Variants in TTN observed in about 807,000 individuals in gnomAD.
TTN encodes the protein titin.
In TTN, 1,525 loss-of-function variants were observed where a neutral mutation model predicts 3,223.0. The observed-to-expected ratio is 0.47, with a 90% CI of 0.45 to 0.49. The LOEUF (loss-of-function observed/expected upper bound fraction) is 0.49, where lower values mean the gene tolerates loss of function less well. Among genes scored for constraint, TTN ranks in the 20% least tolerant of loss-of-function variants. The pLI is 0.00. For missense variants in TTN, 40,786 were observed against 43,424.0 expected (o/e 0.94, Z 5.40); for synonymous variants, 14,094 against 15,161.0 (o/e 0.93, Z 5.17).
At chr2:178,749,085 T>C in intron 47 of TTN, 1 of 1,612,966 alleles carries the variant, frequency 6.2e-7, no homozygotes, top group South Asian at 1.1e-5. Flanking sequence ...TCATATACAA[T>C]GGCAGATGAA....
rs369817450 is a variant in TTN at position 178,701,518 on chromosome 2, T to G, written c.30598+10A>C. On this transcript the variant is annotated intron_variant, in intron 110 of 362. Coordinates refer to ENST00000589042, the MANE Select transcript of TTN (RefSeq NM_001267550.2). ...GCTCCAAGCTCAGATGTTGAGGTTC[T>G]GGGTCTTACCTTCTGGTGGCACTGC... 1.9e-6 allele frequency: 3 copies of G among 1,611,264 alleles called. No homozygotes were observed. The highest frequency in any genetic ancestry group is 2.5e-6 in the Non-Finnish European group (3 of 1,178,894).
In TTN at chr2:178,681,198, C is replaced by G; in HGVS notation, c.33248-27G>C. 3 of 1,569,648 alleles carry G rather than the reference C, an allele frequency of 1.9e-6. No homozygotes were observed. The South Asian group carries it at 3.5e-5, about 19-fold the overall frequency. On this transcript the variant is annotated intron_variant, in intron 137 of 362. Coordinates refer to ENST00000589042, the MANE Select transcript of TTN (RefSeq NM_001267550.2). Reference sequence around the variant, plus strand: ...TTTAAAGATATTAATTATTAAAGAGCATTAAAACCAACTCCTTGAATACTA... The same window carrying G: ...TTTAAAGATATTAATTATTAAAGAGGATTAAAACCAACTCCTTGAATACTA...
Position 178,547,350 on chromosome 2 carries a change from A to G in TTN, c.94220-45T>C, listed in dbSNP as rs753087177. On this transcript the variant is annotated intron_variant, in intron 339 of 362. Transcript: ENST00000589042. ...TTAAGTATGAATACAATTTTATAAA[A>G]TTCAGGGGAAACATTTAATAATAGA... 2.5e-6 allele frequency: 4 copies of G among 1,573,396 alleles called. No homozygotes were observed. In the Admixed American group the frequency reaches 7.5e-5, roughly 30 times the overall value.
intron 47 of TTN, chr2:178,748,198 G>A (rs970501313): frequency 6.2e-7 from 1 of 1,613,012 alleles, no homozygotes; most frequent in Non-Finnish European, 8.5e-7. Context: ...TTGGAAGTAG[G>A]GCACATGATT....
chr2:178,555,616 C>G (rs1701089593), intron 330 of TTN: 1 of 158,462 alleles, frequency 6.3e-6, no homozygotes, highest in Non-Finnish European at 1.4e-5. Flanking sequence ...TACATAATTA[C>G]TGGACAGATT....
At chr2:178,771,524 G>C in intron 33 of TTN, 53 bp from the exon 34 acceptor site, 2 of 1,607,570 alleles carry the variant, frequency 1.2e-6, no homozygotes, top group Non-Finnish European at 1.7e-6. Context: ...TCACACAATG[G>C]GAAAATCTTT....
Position 178,740,675 on chromosome 2 carries a change from T to C in TTN, c.12558A>G (p.Pro4186=), listed in dbSNP as rs72648921. 73 of 1,613,722 alleles carry C rather than the reference T, an allele frequency of 4.5e-5. No homozygotes were observed. In the Middle Eastern group the frequency reaches 1.3e-3, roughly 29 times the overall value. ...TAATTTGTTCTATGGACATGGCACT[T>C]GGGAAGATTTTCTCGGTATCTGATA... ...AVLSDTEKIF[P]SAMSIEQINS... is the part of the protein sequence containing the mutation. The change falls in exon 48 of 363, where the codon CCA becomes CCG. Residue 4186 remains proline (P), a synonymous_variant. Coordinates refer to ENST00000589042, the MANE Select transcript of TTN (RefSeq NM_001267550.2).
intron 13 of TTN, among the ~76,000 whole-genome samples, chr2:178,786,670 CAG>C (rs1435573065): frequency 1.3e-5 from 2 of 152,150 alleles, no homozygotes; most frequent in African/African-American, 2.4e-5. Context: ...CTCACAAACA[CAG>C]AGTGAGCATA....
intron 330 of TTN, 159 bp downstream of exon 330, chr2:178,556,689 A>T: frequency 2.5e-6 from 2 of 794,090 alleles, no homozygotes; most frequent in Non-Finnish European, 2.0e-6. Context: ...AAAGGTATTT[A>T]AGGAATTTTC....
intron 115 of TTN, 107 bp downstream of exon 115, chr2:178,695,241 A>G (rs2154282326): frequency 1.3e-6 from 1 of 752,566 alleles, no homozygotes. Context: ...AGCTTAGAGA[A>G]GAAGTTGTGC....
At position 178,605,065 on chromosome 2, in the gene TTN, C is replaced by G. The variant is rs527887963; in HGVS notation, c.54112G>C (p.Glu18038Gln). 5.0e-6 allele frequency: 8 copies of G among 1,612,468 alleles called. No individual in the cohort carries two copies. In the East Asian group the frequency reaches 1.8e-4, roughly 36 times the overall value. ...TELSIPKAVR[E>Q]DKGTYTVTAS... ...GTAACTGTGTAAGTGCCTTTGTCCT[C>G]CCGGACCGCTTTGGGAATGCTAAGC... The change falls in exon 280 of 363, where the codon GAG becomes CAG. Residue 18038 changes from glutamate (E) to glutamine (Q), a missense_variant. Coordinates refer to ENST00000589042, the MANE Select transcript of TTN (RefSeq NM_001267550.2).
Position 178,548,646 on chromosome 2 carries a change from A to T in TTN, c.92980T>A (p.Tyr30994Asn). ...ENCNRNDAGK[Y>N]TLTVENNSGS... ...CTGTTGTTTTCCACAGTAAGGGTAT[A>T]TTTCCCTGCATCATTTCTGTTGCAG... Residue 30994 changes from tyrosine to asparagine, a missense_variant, in exon 339 of 363, where the codon TAT (tyrosine) becomes AAT (asparagine). Transcript: ENST00000589042. The surrounding 1 kb of genome is among the most constrained non-coding windows in gnomAD (Gnocchi z 4.3). 1 of 1,613,810 alleles carries T rather than the reference A, an allele frequency of 6.2e-7. No individual in the cohort carries two copies. Among genetic ancestry groups the T allele is most frequent in the Non-Finnish European group, 8.5e-7 (1 of 1,179,796 alleles).
Position 178,559,508 on chromosome 2 carries a change from G to C in TTN, c.86624C>G (p.Ala28875Gly). The change falls in exon 326 of 363, where the codon GCA (alanine) becomes GGA (glycine). Residue 28875 changes from alanine to glycine, a missense_variant. Coordinates refer to ENST00000589042, the MANE Select transcript of TTN (RefSeq NM_001267550.2). ...TTCTATGTGGTAATTCTTCACTGGT[G>C]CTCCACCATCGTTTTCAGGAACATC... is the stretch of plus-strand genomic sequence containing the variant. ...SWDVPENDGG[A>G]PVKNYHIEKR... The C allele has an allele frequency of 6.2e-7, 1 of 1,613,724 alleles. No individual in the cohort carries two copies. Among genetic ancestry groups the C allele is most frequent in the Non-Finnish European group, 8.5e-7 (1 of 1,179,748 alleles).
chr2:178,623,621 A>G lies in TTN; in HGVS notation c.44815+844T>C, dbSNP rs1027219862. Among the ~76,000 whole-genome samples the G allele has an allele frequency of 2.0e-5, 3 of 151,900 alleles. No individual in the cohort carries two copies. The South Asian group carries it at 6.2e-4, about 31-fold the overall frequency. On this transcript the variant is annotated intron_variant, in intron 242 of 362. Transcript: ENST00000589042. ...AGGAGACCCAAGAAGCTACTTTGAC[A>G]TAAGCTTGAGCAGAGCAACCACAAA...
In TTN at chr2:178,633,383, G is replaced by C. The variant is rs745769273; in HGVS notation, c.42946+30C>G. On this transcript the variant is annotated intron_variant, in intron 232 of 362. Transcript: ENST00000589042. Reference sequence around the variant, plus strand: ...AACTAATAAACTGCAGATTCAGATAGGGTAAATTTTACATTGTTGAGCAAC... The same window carrying C: ...AACTAATAAACTGCAGATTCAGATACGGTAAATTTTACATTGTTGAGCAAC... The C allele has an allele frequency of 8.7e-6, 14 of 1,613,140 alleles. No individual in the cohort carries two copies. In the South Asian group the frequency reaches 1.5e-4, roughly 18 times the overall value.
Position 178,599,464 on chromosome 2 carries a change from G to T in TTN, c.56348-19C>A. 6.6e-7 allele frequency: 1 copy of T among 1,517,062 alleles called. No individual in the cohort carries two copies. The highest frequency in any genetic ancestry group is 1.4e-5 in the South Asian group (1 of 72,256). 94.0% of individuals were successfully genotyped at this position (1,517,062 alleles called of 1,614,324 possible). On this transcript the variant is annotated intron_variant, in intron 289 of 362. Coordinates refer to ENST00000589042, the MANE Select transcript of TTN (RefSeq NM_001267550.2). ...GGACGACCTAAAATGGTTTAAAGAA[G>T]GAACCCTTTATCACTCAGATGATTT... is the stretch of plus-strand genomic sequence containing the variant.
chr2:178,650,209 C>T lies in TTN; in HGVS notation c.39772G>A (p.Val13258Ile), dbSNP rs918439624. 6.3e-7 allele frequency: 1 copy of T among 1,597,650 alleles called. No individual in the cohort carries two copies. Among genetic ancestry groups the T allele is most frequent in the African/African-American group, 1.3e-5 (1 of 74,710 alleles). The change falls in exon 210 of 363, where the codon GTT becomes ATT. Residue 13258 changes from valine (V) to isoleucine (I), a missense_variant. Coordinates refer to ENST00000589042, the MANE Select transcript of TTN (RefSeq NM_001267550.2). ...EEIAPEEEKP[V>I]PVAEEEEPEV... is the part of the protein sequence containing the mutation. ...GGTTCCTCCTCTTCTGCAACAGGAA[C>T]TGGCTTTTCCTCTTCAGGAGCAATT... is the stretch of plus-strand genomic sequence containing the variant.
intron 10 of TTN, among the ~76,000 whole-genome samples, chr2:178,791,545 C>A (rs2093493991): frequency 6.6e-6 from 1 of 152,102 alleles, no homozygotes; most frequent in African/African-American, 2.4e-5. Context: ...CACTGTTTAT[C>A]AACCGTGAAT....
chr2:178,750,552 T>A, intron 47 of TTN: 1 of 1,612,512 alleles, frequency 6.2e-7, no homozygotes. Flanking sequence ...TGAGATTCAA[T>A]TTCTTGAAGA....
Sources: allele counts gnomAD v4.1 joint callset (sites outside exome capture counted in the v4.1 genomes callset), GRCh38; gene constraint gnomAD v4.1.1; non-coding constraint Gnocchi (gnomAD v3.1); transcripts MANE v1.5; gene names NCBI Gene and HGNC (gene_info 2026-07-23, HGNC 2026-07-21).